SERPINB9: variants seen among roughly 807,000 people sequenced by gnomAD.
The protein encoded by SERPINB9 is serpin family B member 9.
Under a neutral mutation model 27.2 loss-of-function variants are expected in SERPINB9, and 20 were observed. The observed-to-expected ratio is 0.74, with a 90% CI of 0.52 to 1.07. SERPINB9 has a LOEUF of 1.07. Ranked by LOEUF, SERPINB9 falls within the 50% of genes least tolerant of loss-of-function variation. The pLI, the probability that SERPINB9 is intolerant of heterozygous loss-of-function variation, is 0.00. For missense variants in SERPINB9, 476 were observed against 460.1 expected (o/e 1.03, Z -0.32); for synonymous variants, 189 against 180.0 (o/e 1.05, Z -0.40).
intron 2 of SERPINB9, among the ~76,000 whole-genome samples, chr6:2,898,155 A>T (rs1327625328): frequency 6.6e-6 from 1 of 152,106 alleles, no homozygotes; most frequent in Non-Finnish European, 1.5e-5. Context: ...AAAAAATAAG[A>T]GGGAGAGAGA....
At chr6:2,898,769 G>A (rs1768091468) in intron 2 of SERPINB9, among the ~76,000 whole-genome samples, 3 of 150,902 alleles carry the variant, frequency 2.0e-5, no homozygotes, top group East Asian at 1.9e-4. Flanking sequence ...AGCTGAGATC[G>A]CACCACTGCA....
chr6:2,897,111 G>A (rs1187967618), intron 2 of SERPINB9, among the ~76,000 whole-genome samples: 2 of 135,856 alleles, frequency 1.5e-5, no homozygotes, highest in African/African-American at 5.7e-5. Context: ...AGGAGACAGA[G>A]CAAGACCATG....
intron 2 of SERPINB9, among the ~76,000 whole-genome samples, chr6:2,898,614 G>T (rs183314530): frequency 1.3e-5 from 2 of 152,106 alleles, no homozygotes; most frequent in Non-Finnish European, 2.9e-5. Context: ...TCAGGTGATC[G>T]AGACCATCCT....
intron 4 of SERPINB9, 118 bp from the exon 5 acceptor site, chr6:2,893,671 T>A (rs1767901876): frequency 1.2e-6 from 1 of 849,126 alleles, no homozygotes; most frequent in Non-Finnish European, 1.8e-6. Flanking sequence ...TGAGTTTGGG[T>A]TGTTATGTAG....
At chr6:2,900,878 C>T (rs1391471450) in intron 1 of SERPINB9, among the ~76,000 whole-genome samples, 4 of 139,306 alleles carry the variant, frequency 2.9e-5, no homozygotes, top group Non-Finnish European at 4.7e-5. Context: ...CTGCAGAGCT[C>T]GCTCTCTCAC....
At position 2,895,444 on chromosome 6, in the gene SERPINB9, G is replaced by A. The variant is rs1581196925; in HGVS notation, c.371C>T (p.Ala124Val). ...GATGTGTTTCCTGGACTCTTCTGCAGCTCTGATAAAGGAAAGCTCCTTCAG... is the reference window on the plus strand; with the variant it reads ...GATGTGTTTCCTGGACTCTTCTGCAACTCTGATAAAGGAAAGCTCCTTCAG... The part of the protein sequence containing the change: ...AELKELSFIR[A>V]AEESRKHINT... Residue 124 changes from alanine to valine, a missense_variant, in exon 4 of 7, where the codon GCT becomes GTT. Ala to Val is a moderately conservative substitution (Grantham distance 64). Transcript: ENST00000380698. The A allele has an allele frequency of 2.5e-6, 4 of 1,613,886 alleles. No individual in the cohort carries two copies. Among genetic ancestry groups the A allele is most frequent in the Non-Finnish European group, 3.4e-6 (4 of 1,179,952 alleles).
chr6:2,902,286 G>T (rs1201953471), intron 1 of SERPINB9, among the ~76,000 whole-genome samples: 20 of 152,260 alleles, frequency 1.3e-4, no homozygotes, highest in Admixed American at 1.3e-3. Flanking sequence ...CCCCGCCGGC[G>T]CGACCCTCCC....
chr6:2,888,952 G>A lies in SERPINB9; in HGVS notation c.*1211C>T, dbSNP rs889566951. 10 of 152,122 alleles carry A rather than the reference G, an allele frequency of 6.6e-5. No homozygotes were observed. The highest frequency in any genetic ancestry group is 2.2e-4 in the African/African-American group (9 of 41,456). The allele number at this position is 152,122 out of a possible 1,614,324, so 9.4% of individuals were successfully genotyped here. ...ACTTACTTATTACTGCACTATGAGG[G>A]GCACCCAGATATGTAAGACAGAGTC... On this transcript the variant is annotated 3_prime_UTR_variant, in exon 7 of 7. Transcript: ENST00000380698.
chr6:2,898,814 GA>G lies in SERPINB9; in HGVS notation c.168+1629del, dbSNP rs750239601. ...GGGCGACAGAGCAAGACTCTGTCTC[GA>G]AAAAAAAAAAAAGAAATAGGACTGG... On this transcript the variant is annotated intron_variant, in intron 2 of 6. Coordinates refer to ENST00000380698, the MANE Select transcript of SERPINB9 (RefSeq NM_004155.6). Among the ~76,000 whole-genome samples, 582 of 137,144 alleles carry G rather than the reference GA, an allele frequency of 4.2e-3. 2 individuals are homozygous for G. Among genetic ancestry groups the G allele is most frequent in the South Asian group, 0.038 (165 of 4,368 alleles). 90.0% of individuals were successfully genotyped at this position (137,144 alleles called of 152,430 possible).
chr6:2,889,278 C>T lies in SERPINB9; in HGVS notation c.*885G>A, dbSNP rs577033904. 57 of 152,364 alleles carry T rather than the reference C, an allele frequency of 3.7e-4. No individual in the cohort carries two copies. Among genetic ancestry groups the T allele is most frequent in the African/African-American group, 1.2e-3 (50 of 41,574 alleles). The allele number at this position is 152,364 out of a possible 1,614,324, so 9.4% of individuals were successfully genotyped here. The stretch of plus-strand genomic sequence containing the variant: ...ACCTGGTCATTGTCAAAACTATATA[C>T]GTTGGGCACAGAACTGAAGACCAGG... On this transcript the variant is annotated 3_prime_UTR_variant, in exon 7 of 7. Transcript: ENST00000380698.
At position 2,900,542 on chromosome 6, in the gene SERPINB9, G is replaced by A. The variant is rs1254411632; in HGVS notation, c.70C>T (p.Pro24Ser). 3 of 1,613,888 alleles carry A rather than the reference G, an allele frequency of 1.9e-6. No individual in the cohort carries two copies. Among genetic ancestry groups the A allele is most frequent in the Non-Finnish European group, 2.5e-6 (3 of 1,180,004 alleles). ...RLLKILCQDN[P>S]SHNVFCSPVS... Reference sequence around the variant, plus strand: ...GGAGAACAGAACACGTTGTGCGAAGGGTTATCTTGACACAGTATCTTTAAA... The same window carrying A: ...GGAGAACAGAACACGTTGTGCGAAGAGTTATCTTGACACAGTATCTTTAAA... Residue 24 changes from proline (P) to serine (S), a missense_variant, in exon 2 of 7, where the codon CCT (proline) becomes TCT (serine). Pro to Ser is a moderately conservative substitution (Grantham distance 74). Coordinates refer to ENST00000380698, the MANE Select transcript of SERPINB9 (RefSeq NM_004155.6).
rs1438004796 is a variant in SERPINB9 at position 2,889,293 on chromosome 6, T to C, written c.*870A>G. 1 of 152,270 alleles carries C rather than the reference T, an allele frequency of 6.6e-6. No individual in the cohort carries two copies. The highest frequency in any genetic ancestry group is 2.4e-5 in the African/African-American group (1 of 41,458). The allele number at this position is 152,270 out of a possible 1,614,324, so 9.4% of individuals were successfully genotyped here. ...AAACTATATACGTTGGGCACAGAAC[T>C]GAAGACCAGGTGTCAAAGGAGGATG... On this transcript the variant is annotated 3_prime_UTR_variant, in exon 7 of 7. Transcript: ENST00000380698.
chr6:2,900,156 A>AT, intron 2 of SERPINB9: 1 of 478,878 alleles, frequency 2.1e-6, no homozygotes, highest in South Asian at 2.4e-5. Context: ...TTTCAGTGTC[A>AT]TTTTCTAAAG....
rs1767669329 is a variant in SERPINB9 at position 2,888,530 on chromosome 6, C to T, written c.*1633G>A. ...AAAAATGAAGTGTTGATACATGCTA[C>T]TATGTAAATAAATCTCAAAAACTTG... On this transcript the variant is annotated 3_prime_UTR_variant, in exon 7 of 7. Transcript: ENST00000380698. The T allele has an allele frequency of 6.6e-6, 1 of 152,282 alleles. No individual in the cohort carries two copies. 9.4% of individuals were successfully genotyped at this position (152,282 alleles called of 1,614,324 possible).
In SERPINB9 at chr6:2,903,107, C is replaced by T. The variant is rs1415066020; in HGVS notation, c.-11+94G>A. On this transcript the variant is annotated intron_variant, in intron 1 of 6. Coordinates refer to ENST00000380698, the MANE Select transcript of SERPINB9 (RefSeq NM_004155.6). The surrounding 1 kb of genome is among the most constrained non-coding windows in gnomAD (Gnocchi z 5.2). Reference sequence around the variant, plus strand: ...CGGGGCTCTTGGCTGAGCGACCTCTCCTGTCCTCCGGTCCCATCACTCGGT... The same window carrying T: ...CGGGGCTCTTGGCTGAGCGACCTCTTCTGTCCTCCGGTCCCATCACTCGGT... The T allele has an allele frequency of 1.3e-5, 2 of 152,304 alleles. No individual in the cohort carries two copies. Among genetic ancestry groups the T allele is most frequent in the African/African-American group, 2.4e-5 (1 of 41,428 alleles). 9.4% of individuals were successfully genotyped at this position (152,304 alleles called of 1,614,324 possible).
chr6:2,896,836 TA>T (rs1768015685), intron 2 of SERPINB9, among the ~76,000 whole-genome samples: 1 of 152,220 alleles, frequency 6.6e-6, no homozygotes, highest in African/African-American at 2.4e-5. Context: ...CTCTTCAAAG[TA>T]AAAATTAAAA....
chr6:2,897,276 G>A (rs1768032757), intron 2 of SERPINB9, among the ~76,000 whole-genome samples: 1 of 152,180 alleles, frequency 6.6e-6, no homozygotes, highest in African/African-American at 2.4e-5. Context: ...GACCAGCCTG[G>A]CCAAGATGGC....
intron 1 of SERPINB9, among the ~76,000 whole-genome samples, chr6:2,901,547 C>T (rs1050085656): frequency 4.6e-5 from 7 of 152,174 alleles, no homozygotes; most frequent in African/African-American, 1.7e-4. Context: ...GAGGTGGTGC[C>T]TGTGAAGCCA....
chr6:2,897,142 C>A (rs1304118140), intron 2 of SERPINB9, among the ~76,000 whole-genome samples: 13 of 140,714 alleles, frequency 9.2e-5, no homozygotes, highest in African/African-American at 2.9e-4. Flanking sequence ...AAAAAAAACA[C>A]AAAAAATCCT....
Sources: allele counts gnomAD v4.1 joint callset (sites outside exome capture counted in the v4.1 genomes callset), GRCh38; gene constraint gnomAD v4.1.1; non-coding constraint Gnocchi (gnomAD v3.1); transcripts MANE v1.5; gene names NCBI Gene and HGNC (gene_info 2026-07-23, HGNC 2026-07-21).